Variants in DDAH1 observed in about 807,000 individuals in gnomAD.
The protein encoded by DDAH1 is dimethylarginine dimethylaminohydrolase 1, also known as N(G),N(G)-dimethylarginine dimethylaminohydrolase 1.
DDAH1 carries 19 observed loss-of-function variants against 28.8 expected under a neutral mutation model. The ratio of observed to expected loss-of-function variants is 0.66; its 90% CI spans 0.46 to 0.97. The LOEUF is 0.97. DDAH1 is among the 50% of genes least tolerant of loss of function. The probability of loss-of-function intolerance (pLI) is 0.00; values close to 1 mark genes in which losing one functional copy is unlikely to be tolerated. For synonymous variants in DDAH1, 153 were observed against 154.4 expected (o/e 0.99, Z 0.07); for missense variants, 326 against 375.9 (o/e 0.87, Z 1.10).
intron 3 of DDAH1, 146 bp from the exon 4 acceptor site, chr1:85,350,680 A>G (rs756345667): frequency 9.0e-5 from 87 of 964,588 alleles, no homozygotes; most frequent in Non-Finnish European, 1.2e-4. Context: ...ACAGATTTGG[A>G]TATTGCTAGT....
chr1:85,458,242 T>C (rs567060593), intron 1 of DDAH1, among the ~76,000 whole-genome samples: 3 of 152,186 alleles, frequency 2.0e-5, no homozygotes, highest in Non-Finnish European at 4.4e-5. Context: ...TTCATGCTGA[T>C]TCCTCTTGTC....
At chr1:85,396,318 C>T (rs1348992830) in intron 1 of DDAH1, among the ~76,000 whole-genome samples, 5 of 152,072 alleles carry the variant, frequency 3.3e-5, no homozygotes, top group Non-Finnish European at 5.9e-5. Flanking sequence ...GGGCATCTGA[C>T]AAAAGCCTCA....
At chr1:85,440,760 A>G (rs1471395532) in intron 1 of DDAH1, among the ~76,000 whole-genome samples, 2 of 152,134 alleles carry the variant, frequency 1.3e-5, no homozygotes, top group Non-Finnish European at 2.9e-5. Flanking sequence ...TCTAGACACC[A>G]TCAACCCCCT....
chr1:85,544,350 C>A (rs898247834), intron 1 of DDAH1, among the ~76,000 whole-genome samples: 2 of 152,116 alleles, frequency 1.3e-5, no homozygotes, highest in Non-Finnish European at 2.9e-5. Flanking sequence ...TTTCCAAATT[C>A]TTTCAGATGT....
chr1:85,468,687 T>C (rs917518489), upstream of DDAH1, among the ~76,000 whole-genome samples: 6 of 151,996 alleles, frequency 3.9e-5, no homozygotes, highest in East Asian at 1.2e-3. Flanking sequence ...ACCCAGCTAA[T>C]TTTTGTATTT....
chr1:85,523,637 T>C (rs866602287), intron 1 of DDAH1, among the ~76,000 whole-genome samples: 1 of 151,984 alleles, frequency 6.6e-6, no homozygotes, highest in African/African-American at 2.4e-5. Flanking sequence ...ATCTTTAAAA[T>C]AGATTGCAGC....
intron 4 of DDAH1, among the ~76,000 whole-genome samples, chr1:85,345,599 C>T: frequency 6.6e-6 from 1 of 152,014 alleles, no homozygotes; most frequent in East Asian, 1.9e-4. Context: ...GTTGTGGTGG[C>T]CAGGCCTGTA....
intron 2 of DDAH1, among the ~76,000 whole-genome samples, chr1:85,481,820 C>T (rs1463954684): frequency 6.6e-6 from 1 of 152,180 alleles, no homozygotes; most frequent in Non-Finnish European, 1.5e-5. Context: ...CCTTAGCCTC[C>T]AGAAAGCTTA....
chr1:85,405,608 C>A lies in DDAH1; in HGVS notation c.304-46761G>T, dbSNP rs1003477499. The stretch of plus-strand genomic sequence containing the variant: ...CGCATTTGGCTGGGAAAGACTTGGT[C>A]CTTGGCTGGATCTAAAAAGTGCCCT... On this transcript the variant is annotated intron_variant, in intron 1 of 5. Transcript: ENST00000284031. Among the ~76,000 whole-genome samples, 16 of 145,562 alleles carry A rather than the reference C, an allele frequency of 1.1e-4. No homozygotes were observed. In the East Asian group the frequency reaches 3.2e-3, roughly 30 times the overall value.
chr1:85,360,704 A>G (rs1311183278), intron 1 of DDAH1, among the ~76,000 whole-genome samples: 1 of 152,216 alleles, frequency 6.6e-6, no homozygotes, highest in Non-Finnish European at 1.5e-5. Context: ...TCAACTCAGG[A>G]ACTGTATTCA....
chr1:85,547,533 C>T (rs1035700747), intron 1 of DDAH1, among the ~76,000 whole-genome samples: 3 of 152,148 alleles, frequency 2.0e-5, no homozygotes, highest in Admixed American at 1.3e-4. Flanking sequence ...TGTCCTTTGC[C>T]GAACATCAAG....
At chr1:85,554,204 T>A (rs1234986794) in intron 1 of DDAH1, among the ~76,000 whole-genome samples, 1 of 151,818 alleles carries the variant, frequency 6.6e-6, no homozygotes, top group Non-Finnish European at 1.5e-5. Context: ...GATCTATTCA[T>A]GCCTGAAAGA....
At chr1:85,427,506 AGC>A (rs1653463617) in intron 1 of DDAH1, among the ~76,000 whole-genome samples, 4 of 152,206 alleles carry the variant, frequency 2.6e-5, no homozygotes, top group Non-Finnish European at 5.9e-5. Flanking sequence ...AGACTTTTAC[AGC>A]AGTGAGATCT....
rs1655252663 is a variant in DDAH1 at position 85,464,314 on chromosome 1, G to A, written c.303+429C>T. Among the ~76,000 whole-genome samples, 1 of 152,126 alleles carries A rather than the reference G, an allele frequency of 6.6e-6. No homozygotes were observed. Among genetic ancestry groups the A allele is most frequent in the African/African-American group, 2.4e-5 (1 of 41,402 alleles). Reference sequence around the variant, plus strand: ...GCTCCGAGCGCCAGGCAGGACTTGGGGGCTTCGGTGTCACGACTGGCGCTG... The same window carrying A: ...GCTCCGAGCGCCAGGCAGGACTTGGAGGCTTCGGTGTCACGACTGGCGCTG... On this transcript the variant is annotated intron_variant, in intron 1 of 5. Coordinates refer to ENST00000284031, the MANE Select transcript of DDAH1 (RefSeq NM_012137.4). This position sits in a 1 kb window ranked among gnomAD's most constrained non-coding sequence, Gnocchi z 4.4.
chr1:85,362,162 T>C (rs1276947816), intron 1 of DDAH1, among the ~76,000 whole-genome samples: 2 of 152,288 alleles, frequency 1.3e-5, no homozygotes, highest in South Asian at 4.1e-4. Flanking sequence ...AGAACATACA[T>C]TGAGGATACA....
At chr1:85,557,635 C>A (rs188350929) in intron 1 of DDAH1, among the ~76,000 whole-genome samples, 2 of 152,234 alleles carry the variant, frequency 1.3e-5, no homozygotes, top group Admixed American at 1.3e-4. Context: ...TAAATTGTGT[C>A]TCCCCGACCC....
chr1:85,556,181 C>A (rs1658963203), intron 1 of DDAH1, among the ~76,000 whole-genome samples: 1 of 151,846 alleles, frequency 6.6e-6, no homozygotes, highest in African/African-American at 2.4e-5. Context: ...CCCTGGGAAC[C>A]AAAGCCAAAA....
intron 1 of DDAH1, among the ~76,000 whole-genome samples, chr1:85,528,613 A>G (rs1657952617): frequency 6.6e-6 from 1 of 151,970 alleles, no homozygotes; most frequent in African/African-American, 2.4e-5. Context: ...TTTAAAGAAC[A>G]TTTTTTGCAA....
At chr1:85,531,102 C>A (rs1658078468) in intron 1 of DDAH1, among the ~76,000 whole-genome samples, 2 of 150,670 alleles carry the variant, frequency 1.3e-5, no homozygotes, top group Admixed American at 1.3e-4. Flanking sequence ...GATATTTAAT[C>A]CAGGGCATTC....
Sources: gnomAD v4.1 joint callset for allele counts (sites outside exome capture counted in the v4.1 genomes callset) on GRCh38, gnomAD v4.1.1 for gene constraint, Gnocchi (gnomAD v3.1) non-coding constraint, MANE v1.5 for transcripts, NCBI Gene and HGNC (gene_info 2026-07-23, HGNC 2026-07-21) for gene names.